Variants in IQCM observed in about 807,000 individuals in gnomAD.
The protein encoded by IQCM is IQ domain-containing protein M.
IQCM carries 45 observed loss-of-function variants against 57.6 expected under a neutral mutation model. That is an observed-to-expected ratio of 0.78 (90% CI 0.62 to 1.00). The LOEUF (loss-of-function observed/expected upper bound fraction) is 1.00, where lower values mean the gene tolerates loss of function less well. Among genes scored for constraint, IQCM ranks in the 50% least tolerant of loss-of-function variants. The pLI is 0.00. For synonymous variants in IQCM, 148 were observed against 158.9 expected (o/e 0.93, Z 0.51); for missense variants, 468 against 511.6 (o/e 0.91, Z 0.82).
At chr4:149,383,020 C>T (rs527602120) in intron 13 of IQCM, among the ~76,000 whole-genome samples, 7 of 148,684 alleles carry the variant, frequency 4.7e-5, no homozygotes, top group Non-Finnish European at 1.0e-4. Context: ...AAAAATTATA[C>T]TGAGGCATCA....
intron 12 of IQCM, among the ~76,000 whole-genome samples, chr4:149,496,760 G>C (rs751825054): frequency 7.9e-5 from 12 of 152,106 alleles, no homozygotes; most frequent in Non-Finnish European, 1.3e-4. Context: ...GCATCAATAA[G>C]AAGCTAATAA....
At chr4:149,596,689 G>A (rs958572569) in intron 8 of IQCM, among the ~76,000 whole-genome samples, 2 of 152,122 alleles carry the variant, frequency 1.3e-5, no homozygotes, top group South Asian at 4.1e-4. Context: ...AGTTTTCTAG[G>A]AATTTCTAAT....
At chr4:149,686,094 AT>A (rs371555505) in intron 6 of IQCM, among the ~76,000 whole-genome samples, 78 of 151,542 alleles carry the variant, frequency 5.1e-4, no homozygotes, top group African/African-American at 1.1e-3. Context: ...AAAATATGGC[AT>A]TTTTTTCCCC....
At chr4:149,400,723 T>C (rs777007518) in intron 13 of IQCM, among the ~76,000 whole-genome samples, 7 of 151,954 alleles carry the variant, frequency 4.6e-5, no homozygotes, top group Admixed American at 1.3e-4. Context: ...GATAGATTAA[T>C]GGCATAATAT....
chr4:149,411,583 A>T (rs1733386100), intron 13 of IQCM, among the ~76,000 whole-genome samples: 1 of 151,698 alleles, frequency 6.6e-6, no homozygotes, highest in African/African-American at 2.4e-5. Flanking sequence ...TTTCACCCAG[A>T]CAAAGAGAAG....
intron 12 of IQCM, among the ~76,000 whole-genome samples, chr4:149,482,667 T>A (rs186292470): frequency 6.6e-6 from 1 of 151,912 alleles, no homozygotes; most frequent in African/African-American, 2.4e-5. Context: ...ACTTATTTTT[T>A]AATTCAATTT....
chr4:149,594,914 G>A (rs1753614908), intron 8 of IQCM, among the ~76,000 whole-genome samples: 1 of 152,162 alleles, frequency 6.6e-6, no homozygotes, highest in South Asian at 2.1e-4. Context: ...ATGTCATGCT[G>A]AGAAGAATGT....
chr4:149,375,972 C>T (rs898758668), intron 13 of IQCM, among the ~76,000 whole-genome samples: 1 of 152,176 alleles, frequency 6.6e-6, no homozygotes, highest in Admixed American at 6.6e-5. Flanking sequence ...AGAGAAACCA[C>T]CTAAATTGTA....
At chr4:149,799,598 G>C (rs984872990) in intron 2 of IQCM, among the ~76,000 whole-genome samples, 31 of 151,466 alleles carry the variant, frequency 2.0e-4, no homozygotes, top group African/African-American at 7.2e-4. Context: ...GCTAGACTAA[G>C]AAAAAAAGAA....
intron 12 of IQCM, among the ~76,000 whole-genome samples, chr4:149,538,688 T>C (rs566154657): frequency 3.9e-5 from 6 of 151,938 alleles, no homozygotes; most frequent in African/African-American, 1.4e-4. Flanking sequence ...GACCAAAAAG[T>C]AAGAGCTAAG....
At chr4:149,790,397 T>C (rs1561278418) in intron 2 of IQCM, 1 of 175,850 alleles carries the variant, frequency 5.7e-6, no homozygotes, top group East Asian at 1.8e-4. Context: ...ATACCCCTTC[T>C]GTGAATACAA....
chr4:149,466,730 G>T lies in IQCM; in HGVS notation c.1229-33173C>A, dbSNP rs534686786. On this transcript the variant is annotated intron_variant, in intron 12 of 13. Coordinates refer to ENST00000636793, the MANE Select transcript of IQCM (RefSeq NM_001363507.2). ...ATAACATATTGTCTTAATATGTTCA[G>T]GCTGTGACAACAAATACCTTGGATT... Among the ~76,000 whole-genome samples the T allele has an allele frequency of 7.2e-5, 11 of 152,204 alleles. 1 individual carries two copies. In the South Asian group the frequency reaches 2.1e-3, roughly 29 times the overall value.
intron 12 of IQCM, among the ~76,000 whole-genome samples, chr4:149,546,845 T>G (rs1020964003): frequency 1.3e-5 from 2 of 152,148 alleles, no homozygotes; most frequent in African/African-American, 4.8e-5. Context: ...TTTGTCAATT[T>G]TGGCTTTTGT....
Position 149,461,022 on chromosome 4 carries a change from A to G in IQCM, c.1229-27465T>C, listed in dbSNP as rs189307611. On this transcript the variant is annotated intron_variant, in intron 12 of 13. Transcript: ENST00000636793. ...GGCTGAGGTGGGCAGATCACCTGAG[A>G]TCGGGAGTTCGAGACCAGCCTGACA... Among the ~76,000 whole-genome samples the G allele has an allele frequency of 9.4e-3, 1,434 of 152,090 alleles. 16 individuals are homozygous for G. The highest frequency in any genetic ancestry group is 0.033 in the African/African-American group (1,362 of 41,498).
chr4:149,811,269 CAG>C (rs1774543049), intron 2 of IQCM, among the ~76,000 whole-genome samples: 1 of 152,090 alleles, frequency 6.6e-6, no homozygotes, highest in African/African-American at 2.4e-5. Flanking sequence ...TTTCCATCAA[CAG>C]AGTTTCCAAA....
At chr4:149,762,814 C>T (rs935183741) in intron 2 of IQCM, among the ~76,000 whole-genome samples, 1 of 151,994 alleles carries the variant, frequency 6.6e-6, no homozygotes, top group Admixed American at 6.6e-5. Context: ...TTGCTTAATA[C>T]TTTATTTGAA....
intron 2 of IQCM, among the ~76,000 whole-genome samples, chr4:149,802,092 A>G (rs2359703): frequency 0.22 from 32,798 of 151,842 alleles, 6,216 homozygotes; most frequent in African/African-American, 0.48. Flanking sequence ...ATACAGTTTG[A>G]TAAGTTAAAT....
At chr4:149,735,533 G>C (rs370654540) in intron 3 of IQCM, 75 bp from the exon 4 acceptor site, 36 of 601,002 alleles carry the variant, frequency 6.0e-5, no homozygotes, top group East Asian at 4.5e-4. Flanking sequence ...ATTATAAAAG[G>C]AAGCAAAAGA....
chr4:149,708,505 G>T lies in IQCM; in HGVS notation c.386-22037C>A, dbSNP rs183306394. Among the ~76,000 whole-genome samples, 27 of 151,930 alleles carry T rather than the reference G, an allele frequency of 1.8e-4. No individual in the cohort carries two copies. In the East Asian group the frequency reaches 4.8e-3, roughly 27 times the overall value. ...CATGCTGAATACTAGGAGAGCAATA[G>T]CACTTCTATTATAAACCATTATATG... On this transcript the variant is annotated intron_variant, in intron 5 of 13. Transcript: ENST00000636793.
Sources: gnomAD v4.1 joint callset for allele counts (sites outside exome capture counted in the v4.1 genomes callset) on GRCh38, gnomAD v4.1.1 for gene constraint, MANE v1.5 for transcripts, NCBI Gene and HGNC (gene_info 2026-07-23, HGNC 2026-07-21) for gene names.